Variants in PYY observed in about 807,000 individuals in gnomAD.
The protein encoded by PYY is peptide tyrosine tyrosine.
In PYY, 12 loss-of-function variants were observed where a neutral mutation model predicts 10.3. The observed-to-expected ratio is 1.17, with a 90% CI of 0.75 to 1.89. The LOEUF is 1.89. Among genes scored for constraint, PYY ranks in the 40% most tolerant of loss-of-function variants. The pLI is 0.00. For synonymous variants in PYY, 66 were observed against 62.0 expected (o/e 1.06, Z -0.30); for missense variants, 141 against 134.0 (o/e 1.05, Z -0.26).
intron 1 of PYY, among the ~76,000 whole-genome samples, chr17:43,996,566 G>A (rs1052909965): frequency 8.5e-5 from 13 of 152,148 alleles, no homozygotes; most frequent in Admixed American, 5.9e-4. Flanking sequence ...CTGGGTTCAG[G>A]TGATCCTCCT....
intron 1 of PYY, among the ~76,000 whole-genome samples, chr17:43,986,965 A>T (rs1407195817): frequency 2.0e-5 from 3 of 152,232 alleles, no homozygotes; most frequent in Non-Finnish European, 4.4e-5. Flanking sequence ...AGGGAAACTG[A>T]GGCTCAGAGA....
chr17:43,962,364 G>A (rs2048717830), intron 2 of PYY, among the ~76,000 whole-genome samples: 1 of 152,044 alleles, frequency 6.6e-6, no homozygotes, highest in Non-Finnish European at 1.5e-5. Context: ...TACTTAAAGT[G>A]TACAATGTGA....
intron 1 of PYY, among the ~76,000 whole-genome samples, chr17:43,992,452 T>C (rs2048963744): frequency 6.6e-6 from 1 of 152,110 alleles, no homozygotes; most frequent in African/African-American, 2.4e-5. Context: ...GGCTCATGCC[T>C]GTAATCCCAG....
rs1184709417 is a variant in PYY, at chr17:43,976,350, T to TATACATGTATACATATACGTATATACAC, written c.-462-9846_-462-9819dup. Among the ~76,000 whole-genome samples the TATACATGTATACATATACGTATATACAC allele has an allele frequency of 5.7e-3, 847 of 148,550 alleles. 11 individuals are homozygous for TATACATGTATACATATACGTATATACAC. Among genetic ancestry groups the TATACATGTATACATATACGTATATACAC allele is most frequent in the African/African-American group, 0.019 (764 of 39,358 alleles). On this transcript the variant is annotated intron_variant, in intron 1 of 6. Coordinates refer to the PYY transcript ENST00000360085. ...ATGTATACATATACGTATATACACA[T>TATACATGTATACATATACGTATATACAC]ATACATGTATACATATACGTATATA...
At chr17:43,983,807 T>C (rs1223977366) in intron 1 of PYY, among the ~76,000 whole-genome samples, 1 of 152,180 alleles carries the variant, frequency 6.6e-6, no homozygotes, top group Non-Finnish European at 1.5e-5. Flanking sequence ...CGCGCGAGTC[T>C]GCTTGATGAC....
At chr17:43,988,789 G>A (rs2048931468) in intron 1 of PYY, among the ~76,000 whole-genome samples, 1 of 137,376 alleles carries the variant, frequency 7.3e-6, no homozygotes, top group African/African-American at 2.8e-5. Flanking sequence ...TTGAGACGGA[G>A]TATCACTCTG....
Position 43,953,018 on chromosome 17 carries a change from G to A in PYY, c.270-38C>T, listed in dbSNP as rs377490886. On this transcript the variant is annotated intron_variant, in intron 3 of 3. Coordinates refer to ENST00000692052, the MANE Select transcript of PYY (RefSeq NM_001394028.1). ...AGGGGAAGGAATTGGATCTGGGGAG[G>A]CGAGCCTGGGAGACGTCGTTAAGTG... 2.5e-6 allele frequency: 4 copies of A among 1,584,860 alleles called. No individual in the cohort carries two copies. The African/African-American group carries it at 5.4e-5, about 21-fold the overall frequency.
In PYY at chr17:43,971,865, G is replaced by A. The variant is rs543270815; in HGVS notation, c.-462-5333C>T. Among the ~76,000 whole-genome samples, 3 of 152,064 alleles carry A rather than the reference G, an allele frequency of 2.0e-5. 1 individual carries two copies. Among genetic ancestry groups the A allele is most frequent in the African/African-American group, 7.2e-5 (3 of 41,534 alleles). On this transcript the variant is annotated intron_variant, in intron 1 of 6. Coordinates refer to the PYY transcript ENST00000360085. ...AACAAAAGTTTTTATTTATGATGAA[G>A]TCCAATTTATCAATTGTTCTCTTTT...
rs138123278 is a variant in PYY, at chr17:43,981,954, G to A, written c.-462-15422C>T. 2.4e-3 allele frequency among the ~76,000 whole-genome samples: 369 copies of A among 152,052 alleles called. 2 individuals are homozygous for A. The highest frequency in any genetic ancestry group is 5.2e-3 in the Admixed American group (80 of 15,272). ...CAAATATCTTCTCCCATCCTGTAGC[G>A]TGCCTTTCCATTCTCTTAATGGTAT... On this transcript the variant is annotated intron_variant, in intron 1 of 6. Transcript: ENST00000360085.
At chr17:43,994,760 TC>T (rs1272838240) in intron 1 of PYY, among the ~76,000 whole-genome samples, 1 of 151,878 alleles carries the variant, frequency 6.6e-6, no homozygotes, top group Admixed American at 6.5e-5. Flanking sequence ...GCACCCTCAC[TC>T]CCCCACCCAC....
At chr17:43,965,813 A>T (rs1197066872) in intron 2 of PYY, among the ~76,000 whole-genome samples, 1 of 150,510 alleles carries the variant, frequency 6.6e-6, no homozygotes, top group African/African-American at 2.4e-5. Context: ...AAAAAAAAAA[A>T]AAAAGAGAGA....
At chr17:43,965,619 G>A (rs751738283) in intron 2 of PYY, among the ~76,000 whole-genome samples, 43 of 151,164 alleles carry the variant, frequency 2.8e-4, no homozygotes, top group Admixed American at 5.9e-4. Flanking sequence ...GTGAAACCCC[G>A]TCTGTACCCA....
intron 2 of PYY, among the ~76,000 whole-genome samples, chr17:43,963,574 G>GGA (rs1567927857): frequency 2.0e-3 from 102 of 51,316 alleles, no homozygotes; most frequent in Admixed American, 4.0e-3. Flanking sequence ...GGAAGGAAAA[G>GGA]AAAGAAAGAA....
At chr17:43,972,428 C>G (rs919771240) in intron 1 of PYY, among the ~76,000 whole-genome samples, 1 of 152,040 alleles carries the variant, frequency 6.6e-6, no homozygotes, top group Non-Finnish European at 1.5e-5. Context: ...TTGGGCCAGG[C>G]TGGTCTCAAA....
At chr17:43,956,683 T>C (rs757130896), upstream of PYY, among the ~76,000 whole-genome samples, 13 of 152,108 alleles carry the variant, frequency 8.5e-5, no homozygotes, top group Non-Finnish European at 1.8e-4. Context: ...ACAATTCTCC[T>C]TGTCCAGTGG....
chr17:43,986,131 T>C (rs1361547084), intron 1 of PYY, among the ~76,000 whole-genome samples: 1 of 152,154 alleles, frequency 6.6e-6, no homozygotes, highest in Admixed American at 6.5e-5. Context: ...TAGTGGTGCA[T>C]GCCTGTAATC....
intron 1 of PYY, among the ~76,000 whole-genome samples, chr17:43,985,509 C>T (rs1486257766): frequency 6.6e-6 from 1 of 152,216 alleles, no homozygotes; most frequent in Admixed American, 6.5e-5. Context: ...ATGACAATGT[C>T]CAAGGCTGCC....
chr17:43,972,196 TTTATTTATTTA>T (rs1350051664), intron 1 of PYY, among the ~76,000 whole-genome samples: 11 of 91,980 alleles, frequency 1.2e-4, no homozygotes, highest in African/African-American at 8.0e-4. Context: ...TTTTATTTTA[TTTATTTATTTA>T]TTTATTTATT....
intron 1 of PYY, among the ~76,000 whole-genome samples, chr17:43,981,308 G>A (rs769576817): frequency 2.0e-5 from 3 of 152,166 alleles, no homozygotes; most frequent in Non-Finnish European, 4.4e-5. Context: ...TCCTGAAGTG[G>A]TTGTACCAAT....
Sources: gnomAD v4.1 joint callset for allele counts (sites outside exome capture counted in the v4.1 genomes callset) on GRCh38, gnomAD v4.1.1 for gene constraint, MANE v1.5 for transcripts, NCBI Gene and HGNC (gene_info 2026-07-23, HGNC 2026-07-21) for gene names.